The following IQGAP2 variants were observed in gnomAD, a reference collection of about 807,000 sequenced individuals.
The protein encoded by IQGAP2 is ras GTPase-activating-like protein IQGAP2.
A neutral mutation model predicts 201.3 loss-of-function variants in IQGAP2; 173 were observed. That is an observed-to-expected ratio of 0.86 (90% CI 0.76 to 0.98). IQGAP2 has a LOEUF of 0.98. Among genes scored for constraint, IQGAP2 ranks in the 50% least tolerant of loss-of-function variants. The probability of loss-of-function intolerance (pLI) is 0.00; values close to 1 mark genes in which losing one functional copy is unlikely to be tolerated. For synonymous variants in IQGAP2, 675 were observed against 673.9 expected, an observed-to-expected ratio of 1.00 and a Z score of -0.03; for missense variants, 1,687 against 1,864.8, an observed-to-expected ratio of 0.90 and a Z score of 1.76.
Position 76,519,247 on chromosome 5 carries a change from C to T in IQGAP2, c.147-43149C>T, listed in dbSNP as rs115703155. ...GCACAACCTTCCTCTACTCCAAACC[C>T]TTGGCAACTACTGATCTATGGTTTT... On this transcript the variant is annotated intron_variant, in intron 2 of 35. Transcript: ENST00000274364. 8.5e-3 allele frequency among the ~76,000 whole-genome samples: 1,297 copies of T among 152,286 alleles called. 19 individuals are homozygous for T. Among genetic ancestry groups the T allele is most frequent in the African/African-American group, 0.03 (1,228 of 41,562 alleles).
intron 2 of IQGAP2, among the ~76,000 whole-genome samples, chr5:76,529,151 T>C (rs1391840404): frequency 6.6e-5 from 10 of 152,184 alleles, no homozygotes; most frequent in Non-Finnish European, 1.5e-4. Flanking sequence ...GATCAGAATG[T>C]TGAAAGAGAA....
At chr5:76,433,007 T>G (rs755680748) in intron 1 of IQGAP2, among the ~76,000 whole-genome samples, 2 of 152,172 alleles carry the variant, frequency 1.3e-5, no homozygotes, top group Non-Finnish European at 2.9e-5. Flanking sequence ...AGGAAAGAAA[T>G]GGTACTCAAA....
At chr5:76,520,646 A>T (rs1318079935) in intron 2 of IQGAP2, among the ~76,000 whole-genome samples, 1 of 151,530 alleles carries the variant, frequency 6.6e-6, no homozygotes, top group African/African-American at 2.4e-5. Context: ...GATCACTTTG[A>T]GAAGTGACAA....
At chr5:76,604,363 T>C (rs960923618) in intron 11 of IQGAP2, among the ~76,000 whole-genome samples, 5 of 152,164 alleles carry the variant, frequency 3.3e-5, no homozygotes, top group African/African-American at 1.2e-4. Flanking sequence ...TGCCACATTT[T>C]CTTTATCCAG....
intron 2 of IQGAP2, among the ~76,000 whole-genome samples, chr5:76,501,638 C>CTTTTGTTTTT (rs1432659462): frequency 4.0e-5 from 1 of 24,994 alleles, no homozygotes; most frequent in Non-Finnish European, 7.8e-5. Flanking sequence ...TTTCTTTTTC[C>CTTTTGTTTTT]TTTTCTTTTT....
chr5:76,548,029 T>G (rs1198169000), intron 2 of IQGAP2, among the ~76,000 whole-genome samples: 1 of 152,212 alleles, frequency 6.6e-6, no homozygotes, highest in African/African-American at 2.4e-5. Flanking sequence ...CTACCTCCTT[T>G]TAATTTCATT....
chr5:76,676,520 C>T (rs1744838100), intron 27 of IQGAP2, among the ~76,000 whole-genome samples: 1 of 152,242 alleles, frequency 6.6e-6, no homozygotes, highest in South Asian at 2.1e-4. Flanking sequence ...ATTCGACCTG[C>T]ACAAGAATTG....
intron 10 of IQGAP2, among the ~76,000 whole-genome samples, chr5:76,599,831 T>C (rs1439901765): frequency 6.6e-6 from 1 of 152,198 alleles, no homozygotes; most frequent in Admixed American, 6.5e-5. Context: ...CTCCTGCTCC[T>C]TATGTCCCTT....
intron 8 of IQGAP2, among the ~76,000 whole-genome samples, chr5:76,592,422 T>A (rs1396183228): frequency 6.6e-6 from 1 of 152,236 alleles, no homozygotes; most frequent in East Asian, 1.9e-4. Context: ...CCCAACTAAG[T>A]ATGAATACTT....
At chr5:76,658,835 C>T (rs1742994592) in intron 21 of IQGAP2, among the ~76,000 whole-genome samples, 168 bp downstream of exon 21, 1 of 152,154 alleles carries the variant, frequency 6.6e-6, no homozygotes, top group Non-Finnish European at 1.5e-5. Context: ...GTGGAGTCTA[C>T]TACACATCTA....
At chr5:76,648,299 C>T (rs990015243) in intron 17 of IQGAP2, among the ~76,000 whole-genome samples, 1 of 152,104 alleles carries the variant, frequency 6.6e-6, no homozygotes, top group Non-Finnish European at 1.5e-5. Context: ...TTTATATAGA[C>T]AGAAACCAAA....
intron 13 of IQGAP2, among the ~76,000 whole-genome samples, chr5:76,614,641 G>T (rs751653076): frequency 2.0e-5 from 2 of 99,270 alleles, no homozygotes; most frequent in Non-Finnish European, 3.7e-5. Context: ...TTGGAGACAG[G>T]ATCTTGCTGT....
chr5:76,420,515 A>C lies in IQGAP2; in HGVS notation c.46+16924A>C, dbSNP rs188204023. On this transcript the variant is annotated intron_variant, in intron 1 of 35. Transcript: ENST00000274364. Reference sequence around the variant, plus strand: ...CTCAGCCTCCCAAGTAGCTGGGATTACAGGTGCCTGCCACCACGCCCGGCT... The same window carrying C: ...CTCAGCCTCCCAAGTAGCTGGGATTCCAGGTGCCTGCCACCACGCCCGGCT... 2.0e-4 allele frequency among the ~76,000 whole-genome samples: 31 copies of C among 151,854 alleles called. 1 individual carries two copies. Among genetic ancestry groups the C allele is most frequent in the Non-Finnish European group, 3.5e-4 (24 of 67,994 alleles).
chr5:76,447,015 A>G (rs562798269), intron 1 of IQGAP2, among the ~76,000 whole-genome samples: 1 of 152,314 alleles, frequency 6.6e-6, no homozygotes, highest in Admixed American at 6.5e-5. Flanking sequence ...CTATTTTGCG[A>G]CCAGTTTCCA....
chr5:76,658,205 C>T (rs1197853621), intron 20 of IQGAP2, among the ~76,000 whole-genome samples: 1 of 152,054 alleles, frequency 6.6e-6, no homozygotes, highest in Non-Finnish European at 1.5e-5. Flanking sequence ...TGAGAGAGAG[C>T]TGATAAAAGG....
chr5:76,513,738 G>A (rs1378177787), intron 2 of IQGAP2, among the ~76,000 whole-genome samples: 1 of 152,182 alleles, frequency 6.6e-6, no homozygotes, highest in Non-Finnish European at 1.5e-5. Context: ...GAGCATGGAG[G>A]ATTTTTAGGA....
rs544443081 is a variant in IQGAP2 at position 76,590,692 on chromosome 5, T to C, written c.819+106T>C. 1.1e-4 allele frequency: 88 copies of C among 819,392 alleles called. No individual in the cohort carries two copies. The African/African-American group carries it at 1.3e-3, about 12-fold the overall frequency. The allele number at this position is 819,392 out of a possible 1,614,324, so 50.8% of individuals were successfully genotyped here. On this transcript the variant is annotated intron_variant, in intron 8 of 35. Transcript: ENST00000274364. Reference sequence around the variant, plus strand: ...ATACTTTTAAATCAATTGGCTATTTTCTCTATAGCCGTAGACAATTGATTT... The same window carrying C: ...ATACTTTTAAATCAATTGGCTATTTCCTCTATAGCCGTAGACAATTGATTT...
chr5:76,554,823 T>G lies in IQGAP2; in HGVS notation c.147-7573T>G, dbSNP rs370904344. On this transcript the variant is annotated intron_variant, in intron 2 of 35. Transcript: ENST00000274364. ...CTCTTGGGTATATACCCAAGGGAAATGAGAACATACATCAGTGCAAAAACT... is the reference window on the plus strand; with the variant it reads ...CTCTTGGGTATATACCCAAGGGAAAGGAGAACATACATCAGTGCAAAAACT... Among the ~76,000 whole-genome samples, 6 of 152,240 alleles carry G rather than the reference T, an allele frequency of 3.9e-5. No individual in the cohort carries two copies. In the East Asian group the frequency reaches 7.7e-4, roughly 20 times the overall value.
intron 2 of IQGAP2, among the ~76,000 whole-genome samples, chr5:76,540,657 C>T (rs965106169): frequency 1.2e-4 from 19 of 152,142 alleles, no homozygotes; most frequent in African/African-American, 3.6e-4. Flanking sequence ...TTTGAGGGTG[C>T]GGAACATCAG....
Sources: allele counts gnomAD v4.1 joint callset (sites outside exome capture counted in the v4.1 genomes callset), GRCh38; gene constraint gnomAD v4.1.1; transcripts MANE v1.5; gene names NCBI Gene and HGNC (gene_info 2026-07-23, HGNC 2026-07-21).